Variants in KPNA7 observed in about 807,000 individuals in gnomAD.
KPNA7 encodes importin subunit alpha-8.
In KPNA7, 54 loss-of-function variants were observed where a neutral mutation model predicts 53.7. The observed-to-expected ratio is 1.01, with a 90% CI of 0.81 to 1.26. The LOEUF is 1.26. KPNA7 is among the 50% of genes most tolerant of loss of function. KPNA7 has a pLI of 0.00. For synonymous variants in KPNA7, 276 were observed against 259.3 expected (o/e 1.06, Z -0.62); for missense variants, 640 against 644.5 (o/e 0.99, Z 0.07).
the KPNA7 span, among the ~76,000 whole-genome samples, chr7:99,160,382 CA>C: frequency 2.0e-5 from 3 of 151,944 alleles, no homozygotes; most frequent in Admixed American, 2.0e-4. Flanking sequence ...GGTTTAATTG[CA>C]GCTTCCTATT....
the KPNA7 span, among the ~76,000 whole-genome samples, chr7:99,166,595 G>C: frequency 9.0e-4 from 136 of 151,948 alleles, no homozygotes; most frequent in African/African-American, 2.9e-3. Flanking sequence ...GATTACAGGT[G>C]TGAGCCACCG....
intron 6 of KPNA7, among the ~76,000 whole-genome samples, chr7:99,192,491 C>T (rs1467009702): frequency 6.6e-6 from 1 of 152,208 alleles, no homozygotes; most frequent in Middle Eastern, 3.2e-3. Flanking sequence ...TGGCTCTCTG[C>T]AGCCTCCCTC....
chr7:99,196,037 CA>C, intron 4 of KPNA7, 46 bp downstream of exon 4: 9 of 1,469,758 alleles, frequency 6.1e-6, no homozygotes, highest in Non-Finnish European at 8.4e-6. Flanking sequence ...CACTGACGCT[CA>C]TTGCTAACTA....
At chr7:99,216,663 G>A (rs1791225750) in intron 1 of KPNA7, among the ~76,000 whole-genome samples, 1 of 152,192 alleles carries the variant, frequency 6.6e-6, no homozygotes, top group Non-Finnish European at 1.5e-5. Flanking sequence ...CCAGATTCAA[G>A]CAATTCTCCT....
chr7:99,146,108 C>G, the KPNA7 span, among the ~76,000 whole-genome samples: 7 of 152,168 alleles, frequency 4.6e-5, no homozygotes, highest in Admixed American at 2.0e-4. Context: ...GTATTTCCCC[C>G]CTATTCAAAG....
chr7:99,162,348 A>G, the KPNA7 span, among the ~76,000 whole-genome samples: 1 of 152,150 alleles, frequency 6.6e-6, no homozygotes, highest in African/African-American at 2.4e-5. Context: ...CCAGCTGAGA[A>G]TTGCATTCTT....
At position 99,195,218 on chromosome 7, in the gene KPNA7, G is replaced by C; in HGVS notation, c.405C>G (p.Ala135=). ...SLYPCLQFEA[A]WALTNIASGT... Reference sequence around the variant, plus strand: ...CTGAAGCGATGTTGGTCAGGGCCCAGGCAGCCTCAAACTGCAAGCAGGGGT... The same window carrying C: ...CTGAAGCGATGTTGGTCAGGGCCCACGCAGCCTCAAACTGCAAGCAGGGGT... The change falls in exon 5 of 11, where the codon GCC becomes GCG. Residue 135 remains alanine, a synonymous_variant. Coordinates refer to ENST00000327442, the MANE Select transcript of KPNA7 (RefSeq NM_001145715.3). 6.4e-7 allele frequency: 1 copy of C among 1,551,630 alleles called. No individual in the cohort carries two copies. The highest frequency in any genetic ancestry group is 1.4e-5 in the African/African-American group (1 of 73,132).
At chr7:99,217,650 A>G (rs1791248700) in intron 1 of KPNA7, among the ~76,000 whole-genome samples, 1 of 81,562 alleles carries the variant, frequency 1.2e-5, no homozygotes. Flanking sequence ...TTTTTTTTTG[A>G]GACAGAGTCT....
At position 99,194,947 on chromosome 7, in the gene KPNA7, C is replaced by A. The variant is rs771519668; in HGVS notation, c.553+123G>T. On this transcript the variant is annotated intron_variant, in intron 5 of 10. Coordinates refer to ENST00000327442, the MANE Select transcript of KPNA7 (RefSeq NM_001145715.3). Reference sequence around the variant, plus strand: ...ACAGCTCATTGTACCCTTGCCAGCACTTCTAGGTATTTACATGGCAAAGTG... The same window carrying A: ...ACAGCTCATTGTACCCTTGCCAGCAATTCTAGGTATTTACATGGCAAAGTG... 3.4e-5 allele frequency: 41 copies of A among 1,199,602 alleles called. No homozygotes were observed. The African/African-American group carries it at 5.7e-4, about 17-fold the overall frequency. 74.3% of individuals were successfully genotyped at this position (1,199,602 alleles called of 1,614,324 possible). A position where few individuals can be genotyped will look rare whatever the true frequency, so the allele number is the denominator to read the frequency against.
intron 9 of KPNA7, 46 bp from the exon 10 acceptor site, chr7:99,178,112 T>TG: frequency 1.3e-6 from 2 of 1,534,014 alleles, no homozygotes; most frequent in South Asian, 1.2e-5. Context: ...CAGGAGCCTT[T>TG]GGGGGATAGG....
intron 1 of KPNA7, among the ~76,000 whole-genome samples, chr7:99,217,251 G>A (rs1791239406): frequency 6.6e-6 from 1 of 152,204 alleles, no homozygotes; most frequent in African/African-American, 2.4e-5. Context: ...CACAGGCACT[G>A]ACATGGTAAT....
Position 99,188,215 on chromosome 7 carries a change from T to C in KPNA7, c.900+85A>G, listed in dbSNP as rs1789729376. 14 of 801,474 alleles carry C rather than the reference T, an allele frequency of 1.7e-5. No individual in the cohort carries two copies. In the South Asian group the frequency reaches 2.8e-4, roughly 16 times the overall value. The allele number at this position is 801,474 out of a possible 1,614,324, so 49.6% of individuals were successfully genotyped here. On this transcript the variant is annotated intron_variant, in intron 7 of 10. Transcript: ENST00000327442. Reference sequence around the variant, plus strand: ...AAAAAAAAAGCAAAGACCAGGGAAATGCAGATGACAAACCTTGCCCCAGAA... The same window carrying C: ...AAAAAAAAAGCAAAGACCAGGGAAACGCAGATGACAAACCTTGCCCCAGAA...
At chr7:99,151,833 T>G in the KPNA7 span, among the ~76,000 whole-genome samples, 1 of 152,040 alleles carries the variant, frequency 6.6e-6, no homozygotes. Context: ...CAAGATATAG[T>G]CCCTGTATTT....
chr7:99,193,610 G>A (rs1008809238), intron 5 of KPNA7, among the ~76,000 whole-genome samples: 5 of 151,854 alleles, frequency 3.3e-5, no homozygotes, highest in Non-Finnish European at 7.4e-5. Flanking sequence ...CTACTTTACT[G>A]CACCAAGCAA....
chr7:99,187,294 A>AC (rs561831896), intron 7 of KPNA7, among the ~76,000 whole-genome samples: 1 of 151,994 alleles, frequency 6.6e-6, no homozygotes, highest in South Asian at 2.1e-4. Flanking sequence ...TCTCACACAC[A>AC]AAAAAAATAA....
intron 3 of KPNA7, 46 bp from the exon 4 acceptor site, chr7:99,196,212 C>A: frequency 2.2e-6 from 3 of 1,334,806 alleles, no homozygotes. Flanking sequence ...CCAAAATGAG[C>A]TGTAAACATC....
chr7:99,184,995 A>G lies in KPNA7; in HGVS notation c.1068T>C (p.Pro356=). Residue 356 remains proline, a synonymous_variant, in exon 8 of 11, where the codon CCT becomes CCC. Coordinates refer to ENST00000327442, the MANE Select transcript of KPNA7 (RefSeq NM_001145715.3). ...CAAGCAGCTGCTGGATGTGGTGACA[A>G]GGCCCCGCTGCTACGTTGCTCAGGG... ...AWALSNVAAG[P]CHHIQQLLAY... is the part of the protein sequence containing the mutation. 6.4e-7 allele frequency: 1 copy of G among 1,551,956 alleles called. No homozygotes were observed.
intron 6 of KPNA7, among the ~76,000 whole-genome samples, chr7:99,188,938 TC>T (rs1312906993): frequency 6.6e-6 from 1 of 152,132 alleles, no homozygotes; most frequent in Non-Finnish European, 1.5e-5. Flanking sequence ...GGCCTCAGCC[TC>T]CCAACGTGCT....
At chr7:99,187,798 TTAAAAAA>T (rs1203925395) in intron 7 of KPNA7, among the ~76,000 whole-genome samples, 80 of 2,892 alleles carry the variant, frequency 0.028, 3 homozygotes, top group African/African-American at 0.037. Flanking sequence ...GCCTTTTTTT[TTAAAAAA>T]AAAAAAAAAA....
Sources: gnomAD v4.1 joint callset for allele counts (sites outside exome capture counted in the v4.1 genomes callset) on GRCh38, gnomAD v4.1.1 for gene constraint, MANE v1.5 for transcripts, NCBI Gene and HGNC (gene_info 2026-07-23, HGNC 2026-07-21) for gene names.